HDAC9: variants seen among roughly 807,000 people sequenced by gnomAD.
HDAC9 encodes the protein histone deacetylase 9, also known as MEF-2 interacting transcription repressor (MITR) protein.
Under a neutral mutation model 139.4 loss-of-function variants are expected in HDAC9, and 41 were observed. The observed-to-expected ratio is 0.29, with a 90% CI of 0.23 to 0.38. The LOEUF (loss-of-function observed/expected upper bound fraction) is 0.38. Ranked by LOEUF, HDAC9 falls within the 10% of genes least tolerant of loss-of-function variation. The pLI is 1.00. For synonymous variants in HDAC9, 517 were observed against 476.2 expected, an observed-to-expected ratio of 1.09 and a Z score of -1.12; for missense variants, 1,147 against 1,297.0, an observed-to-expected ratio of 0.88 and a Z score of 1.78.
intron 2 of HDAC9, among the ~76,000 whole-genome samples, chr7:18,535,810 A>G (rs1014817293): frequency 1.1e-4 from 17 of 152,046 alleles, no homozygotes; most frequent in African/African-American, 4.1e-4. Context: ...TCAAATACAC[A>G]GAACTTAGCA....
chr7:18,786,486 C>CCTTCCTTCCTTCA (rs766384933), intron 16 of HDAC9, among the ~76,000 whole-genome samples: 19 of 32,730 alleles, frequency 5.8e-4, no homozygotes, highest in Non-Finnish European at 1.4e-3. Context: ...TCCTTCCTTT[C>CCTTCCTTCCTTCA]TTCCTTCCTT....
chr7:18,741,003 G>A (rs1373145678), intron 13 of HDAC9, among the ~76,000 whole-genome samples: 3 of 152,188 alleles, frequency 2.0e-5, no homozygotes, highest in African/African-American at 7.2e-5. Flanking sequence ...GGAAGTTGCT[G>A]AAGAAAAGTT....
chr7:18,732,489 G>C (rs1012616298), intron 13 of HDAC9, among the ~76,000 whole-genome samples: 2 of 149,916 alleles, frequency 1.3e-5, no homozygotes, highest in Non-Finnish European at 3.0e-5. Context: ...GTGTATATAT[G>C]TGTATATATG....
intron 14 of HDAC9, among the ~76,000 whole-genome samples, chr7:18,757,323 A>C (rs1788965338): frequency 6.6e-6 from 1 of 152,142 alleles, no homozygotes. Context: ...TTTCAGTGGA[A>C]ATTCTTGCCT....
At chr7:18,922,049 AG>A (rs1428394027) in intron 22 of HDAC9, among the ~76,000 whole-genome samples, 2 of 124,946 alleles carry the variant, frequency 1.6e-5, no homozygotes, top group Admixed American at 2.0e-4. Context: ...GGACACAGGA[AG>A]GGGAACATCA....
At chr7:18,662,495 A>T (rs1312246953) in intron 11 of HDAC9, among the ~76,000 whole-genome samples, 2 of 152,080 alleles carry the variant, frequency 1.3e-5, no homozygotes, top group South Asian at 2.1e-4. Flanking sequence ...CAGAGAGGGG[A>T]TCTGTGTGAT....
chr7:18,105,906 T>A (rs900455972), intron 1 of HDAC9, among the ~76,000 whole-genome samples: 13 of 152,240 alleles, frequency 8.5e-5, no homozygotes, highest in African/African-American at 3.1e-4. Context: ...CAAAAAGGAA[T>A]GAAGCAGTGA....
At chr7:18,855,622 T>C (rs143008846) in intron 21 of HDAC9, among the ~76,000 whole-genome samples, 76 of 152,090 alleles carry the variant, frequency 5.0e-4, no homozygotes, top group African/African-American at 1.5e-3. Context: ...CACTTCTTAA[T>C]ATGTTAAATT....
intron 12 of HDAC9, among the ~76,000 whole-genome samples, chr7:18,681,375 T>C (rs912843293): frequency 1.3e-5 from 2 of 152,058 alleles, no homozygotes; most frequent in East Asian, 1.9e-4. Flanking sequence ...TAAAGTACTT[T>C]TAAAACTTTT....
At chr7:18,146,369 A>G (rs944259453) in intron 1 of HDAC9, among the ~76,000 whole-genome samples, 2 of 152,174 alleles carry the variant, frequency 1.3e-5, no homozygotes, top group African/African-American at 4.8e-5. Flanking sequence ...TTCAATACTC[A>G]CAGTGGTTGA....
chr7:18,428,275 A>G (rs1272349508), intron 1 of HDAC9, among the ~76,000 whole-genome samples: 1 of 152,116 alleles, frequency 6.6e-6, no homozygotes, highest in Non-Finnish European at 1.5e-5. Flanking sequence ...TTCCACTAAC[A>G]GTGTGCAACA....
chr7:18,817,748 C>A (rs114915528), intron 17 of HDAC9, among the ~76,000 whole-genome samples: 1 of 152,120 alleles, frequency 6.6e-6, no homozygotes, highest in African/African-American at 2.4e-5. Context: ...CTATTTTTGA[C>A]GGAGAAAAAC....
Position 18,997,397 on chromosome 7 carries a change from A to AACTT in HDAC9, c.*1339_*1342dup, listed in dbSNP as rs940243575. 5 of 152,162 alleles carry AACTT rather than the reference A, an allele frequency of 3.3e-5. No individual in the cohort carries two copies. The highest frequency in any genetic ancestry group is 1.2e-4 in the African/African-American group (5 of 41,458). 9.4% of individuals were successfully genotyped at this position (152,162 alleles called of 1,614,324 possible). A position where few individuals can be genotyped will look rare whatever the true frequency, so the allele number is the denominator to read the frequency against. ...GACATTTATTTCTGAGATAAAAAGT[A>AACTT]ACTTACTAAATATAAGTAGGTTATC... On this transcript the variant is annotated 3_prime_UTR_variant, in exon 26 of 26. Coordinates refer to ENST00000686413, the MANE Select transcript of HDAC9 (RefSeq NM_178425.4).
At chr7:18,310,090 A>T (rs2128623520) in intron 1 of HDAC9, among the ~76,000 whole-genome samples, 1 of 149,364 alleles carries the variant, frequency 6.7e-6, no homozygotes, top group East Asian at 2.1e-4. Context: ...TTAGCTTGAT[A>T]AGTGCCCAGA....
At chr7:18,835,410 G>T (rs1796164321) in intron 19 of HDAC9, 57 bp from the exon 20 acceptor site, 5 of 1,535,844 alleles carry the variant, frequency 3.3e-6, no homozygotes, top group East Asian at 2.3e-5. Flanking sequence ...CAGAAAGGTT[G>T]TCTCCACACA....
At position 18,541,141 on chromosome 7, in the gene HDAC9, G is replaced by GTTTTTTTTTTTT. The variant is rs10678670; in HGVS notation, c.23-44126_23-44115dup. ...GTGTTTCAAATATCCAAGGAACCGTGTTTTTTTTTTTTTTTTTTTTTTTTT... is the reference window on the plus strand; with the variant it reads ...GTGTTTCAAATATCCAAGGAACCGTGTTTTTTTTTTTTTTTTTTTTTTTTTTTTTTTTTTTTT... On this transcript the variant is annotated intron_variant, in intron 2 of 25. Coordinates refer to ENST00000686413, the MANE Select transcript of HDAC9 (RefSeq NM_178425.4). Among the ~76,000 whole-genome samples, 33 of 65,466 alleles carry GTTTTTTTTTTTT rather than the reference G, an allele frequency of 5.0e-4. 4 individuals are homozygous for GTTTTTTTTTTTT. The highest frequency in any genetic ancestry group is 2.1e-3 in the African/African-American group (31 of 14,692). The allele number at this position is 65,466 out of a possible 152,430, so 42.9% of individuals were successfully genotyped here. A position where few individuals can be genotyped will look rare whatever the true frequency, so the allele number is the denominator to read the frequency against.
chr7:18,260,113 T>C (rs927373330), intron 2 of HDAC9, among the ~76,000 whole-genome samples: 1 of 152,148 alleles, frequency 6.6e-6, no homozygotes, highest in Admixed American at 6.5e-5. Flanking sequence ...TGAATGATGA[T>C]CACTACAATT....
rs539938151 is a variant in HDAC9, at chr7:18,495,877, G to A, written c.-188G>A. ...CAGGTTTAATTGGTTTCTTTTTCTC[G>A]TGGGTAGACTTAATAATTTTCTACG... is the stretch of plus-strand genomic sequence containing the variant. On this transcript the variant is annotated 5_prime_UTR_variant, in exon 1 of 26. The change creates a new upstream start codon in the 5' untranslated region. Transcript: ENST00000686413. 8 of 1,115,274 alleles carry A rather than the reference G, an allele frequency of 7.2e-6. No homozygotes were observed. Among genetic ancestry groups the A allele is most frequent in the Non-Finnish European group, 8.7e-6 (8 of 914,858 alleles). 69.1% of individuals were successfully genotyped at this position (1,115,274 alleles called of 1,614,324 possible).
At chr7:18,463,639 A>C (rs1563013663) in intron 1 of HDAC9, among the ~76,000 whole-genome samples, 1 of 151,776 alleles carries the variant, frequency 6.6e-6, no homozygotes, top group Non-Finnish European at 1.5e-5. Flanking sequence ...TTTTTAAAAA[A>C]TTTCCTTCAG....
Sources: allele counts gnomAD v4.1 joint callset (sites outside exome capture counted in the v4.1 genomes callset), GRCh38; gene constraint gnomAD v4.1.1; transcripts MANE v1.5; gene names NCBI Gene and HGNC (gene_info 2026-07-23, HGNC 2026-07-21).